Variants in PTP4A2 observed in about 807,000 individuals in gnomAD.
PTP4A2 encodes the protein protein tyrosine phosphatase 4A2, also known as protein tyrosine phosphatase type IVA 2.
In PTP4A2, 2 loss-of-function variants were observed where a neutral mutation model predicts 22.9. The observed-to-expected ratio is 0.09, with a 90% confidence interval of 0.04 to 0.27. The LOEUF is 0.27. Among genes scored for constraint, PTP4A2 ranks in the 10% least tolerant of loss-of-function variants. PTP4A2 has a pLI of 1.00. For missense variants in PTP4A2, 103 were observed against 205.1 expected, an observed-to-expected ratio of 0.50 and a Z score of 3.04; for synonymous variants, 68 against 69.1, an observed-to-expected ratio of 0.98 and a Z score of 0.08.
At chr1:31,913,158 T>C (rs543876666) in intron 3 of PTP4A2, 124 of 319,912 alleles carry the variant, frequency 3.9e-4, no homozygotes, top group Non-Finnish European at 6.7e-4. Flanking sequence ...TCTATTCCAA[T>C]GTGTGTCTGG....
rs1651242577 is a variant in PTP4A2, at chr1:31,907,516, G to A, written c.*1336C>T. On this transcript the variant is annotated 3_prime_UTR_variant, in exon 6 of 6. Transcript: ENST00000647444. ...GATGTCTCTCTTCTACCCTGTTATGGCCTGTGGACACATACTCACTAGGCA... is the reference window on the plus strand; with the variant it reads ...GATGTCTCTCTTCTACCCTGTTATGACCTGTGGACACATACTCACTAGGCA... 1.3e-5 allele frequency: 2 copies of A among 151,994 alleles called. No homozygotes were observed. The highest frequency in any genetic ancestry group is 2.9e-5 in the Non-Finnish European group (2 of 68,018). The allele number at this position is 151,994 out of a possible 1,614,324, so 9.4% of individuals were successfully genotyped here.
chr1:31,906,557 A>C lies in PTP4A2; in HGVS notation c.*2295T>G, dbSNP rs1239216222. The C allele has an allele frequency of 2.4e-4, 36 of 152,188 alleles. 1 individual carries two copies. The highest frequency in any genetic ancestry group is 9.2e-4 in the Admixed American group (14 of 15,278). 9.4% of individuals were successfully genotyped at this position (152,188 alleles called of 1,614,324 possible). On this transcript the variant is annotated 3_prime_UTR_variant, in exon 6 of 6. Transcript: ENST00000647444. ...AGCTAGCAATACTTCATTAAATCGA[A>C]AAGAAAAAAATTGCTTTAAGGAAAA...
Position 31,919,470 on chromosome 1 carries a change from TAA to T in PTP4A2, c.-407_-406del, listed in dbSNP as rs3215721. On this transcript the variant is annotated 5_prime_UTR_variant, in exon 2 of 6. Coordinates refer to ENST00000647444, the MANE Select transcript of PTP4A2 (RefSeq NM_080391.4). ...TCATTAAAAGAAATATGCTTGCAAT[TAA>T]AAAAAAAAAAAGCCAACTATTTCTG... is the stretch of plus-strand genomic sequence containing the variant. 9.2e-5 allele frequency: 13 copies of T among 141,560 alleles called. No individual in the cohort carries two copies. Among genetic ancestry groups the T allele is most frequent in the Non-Finnish European group, 7.8e-5 (5 of 64,394 alleles). 8.8% of individuals were successfully genotyped at this position (141,560 alleles called of 1,614,324 possible). A position where few individuals can be genotyped will look rare whatever the true frequency, so the allele number is the denominator to read the frequency against.
At chr1:31,931,645 TAAGAA>T (rs1652732970) in intron 1 of PTP4A2, among the ~76,000 whole-genome samples, 1 of 152,182 alleles carries the variant, frequency 6.6e-6, no homozygotes, top group Non-Finnish European at 1.5e-5. Context: ...AGATCCAATC[TAAGAA>T]AACAATTGAG....
chr1:31,926,480 ATAATG>A (rs1165180762), intron 1 of PTP4A2, among the ~76,000 whole-genome samples: 1 of 152,212 alleles, frequency 6.6e-6, no homozygotes, highest in African/African-American at 2.4e-5. Flanking sequence ...TGAAAGCCTA[ATAATG>A]TAATATACAA....
At chr1:31,923,096 A>G (rs1388285184) in intron 1 of PTP4A2, among the ~76,000 whole-genome samples, 1 of 151,068 alleles carries the variant, frequency 6.6e-6, no homozygotes, top group African/African-American at 2.4e-5. Context: ...TATTTTTAGT[A>G]GAGACAGGGT....
At chr1:31,930,078 C>A (rs969962806) in intron 1 of PTP4A2, among the ~76,000 whole-genome samples, 1 of 152,222 alleles carries the variant, frequency 6.6e-6, no homozygotes, top group Non-Finnish European at 1.5e-5. Context: ...GTGGCTCACG[C>A]CTGTAATCCC....
In PTP4A2 at chr1:31,908,134, ATTATATT is replaced by A. The variant is rs1557858795; in HGVS notation, c.*711_*717del. ...GGAAAATATATATATATATATATAT[ATTATATT>A]ATATATATATATATATATATATATA... On this transcript the variant is annotated 3_prime_UTR_variant, in exon 6 of 6. Coordinates refer to ENST00000647444, the MANE Select transcript of PTP4A2 (RefSeq NM_080391.4). 14 of 4,690 alleles carry A rather than the reference ATTATATT, an allele frequency of 3.0e-3. No individual in the cohort carries two copies. The highest frequency in any genetic ancestry group is 0.013 in the South Asian group (2 of 152). 0.3% of individuals were successfully genotyped at this position (4,690 alleles called of 1,614,324 possible).
intron 5 of PTP4A2, 43 bp downstream of exon 5, chr1:31,909,995 A>C: frequency 6.6e-7 from 1 of 1,509,978 alleles, no homozygotes; most frequent in Non-Finnish European, 9.2e-7. Context: ...CTCATGCATG[A>C]TCTTGCTTTC....
intron 3 of PTP4A2, among the ~76,000 whole-genome samples, chr1:31,913,323 G>GT (rs1557861594): frequency 6.6e-6 from 1 of 152,302 alleles, no homozygotes; most frequent in South Asian, 2.1e-4. Context: ...AAATGCCCTT[G>GT]TTTTTTCAAG....
At chr1:31,917,324 A>C (rs773675252) in intron 2 of PTP4A2, among the ~76,000 whole-genome samples, 1 of 152,256 alleles carries the variant, frequency 6.6e-6, no homozygotes, top group East Asian at 1.9e-4. Flanking sequence ...AGAAGGGTCC[A>C]TCATTTAGTT....
intron 2 of PTP4A2, among the ~76,000 whole-genome samples, chr1:31,918,689 C>T (rs573593418): frequency 1.3e-5 from 2 of 152,254 alleles, no homozygotes; most frequent in South Asian, 2.1e-4. Flanking sequence ...AAGTGCATAT[C>T]GTGGTCAATA....
chr1:31,936,198 G>A (rs1389725680), intron 1 of PTP4A2, among the ~76,000 whole-genome samples: 3 of 152,006 alleles, frequency 2.0e-5, no homozygotes, highest in African/African-American at 7.3e-5. Context: ...CAGCACTTTG[G>A]GAGGCCAAGG....
intron 1 of PTP4A2, chr1:31,933,588 A>T (rs995181698): frequency 2.0e-5 from 3 of 152,244 alleles, no homozygotes; most frequent in African/African-American, 7.2e-5. Context: ...TACAAAAATT[A>T]GCTGGGCGTG....
intron 3 of PTP4A2, 59 bp downstream of exon 3, chr1:31,915,835 TA>T: frequency 1.7e-6 from 2 of 1,177,848 alleles, no homozygotes; most frequent in Non-Finnish European, 2.5e-6. Flanking sequence ...CCTAGTTTTA[TA>T]AATATTTATG....
chr1:31,919,037 G>A lies in PTP4A2; in HGVS notation c.29C>T (p.Ser10Phe). The A allele has an allele frequency of 6.2e-7, 1 of 1,607,044 alleles. No individual in the cohort carries two copies. Residue 10 changes from serine to phenylalanine, a missense_variant, in exon 2 of 6, where the codon TCC (serine) becomes TTC (phenylalanine). This residue lies in a region of PTP4A2 where 66 missense variants were observed against 113.0 expected (regional missense o/e 0.58). Transcript: ENST00000647444. ...TATCAGAAAACGCATGTTCTCATAG[G>A]AGATCTCCACAGGGGCTGGACGGTT... The part of the protein sequence containing the change: MNRPAPVEI[S>F]YENMRFLITH...
At chr1:31,920,830 G>A (rs1170170561) in intron 1 of PTP4A2, among the ~76,000 whole-genome samples, 1 of 151,970 alleles carries the variant, frequency 6.6e-6, no homozygotes, top group Non-Finnish European at 1.5e-5. Flanking sequence ...GAACTACTGC[G>A]CCTGGCCCAT....
At chr1:31,933,083 C>T (rs542417328) in intron 1 of PTP4A2, 26 of 152,188 alleles carry the variant, frequency 1.7e-4, no homozygotes, top group African/African-American at 5.8e-4. Context: ...CTCACTTCAG[C>T]CTTGACCTCC....
At chr1:31,917,327 A>G (rs941218377) in intron 2 of PTP4A2, among the ~76,000 whole-genome samples, 2 of 152,250 alleles carry the variant, frequency 1.3e-5, no homozygotes, top group Admixed American at 6.5e-5. Context: ...AGGGTCCATC[A>G]TTTAGTTATC....
Sources: allele counts gnomAD v4.1 joint callset (sites outside exome capture counted in the v4.1 genomes callset), GRCh38; gene constraint gnomAD v4.1.1; regional missense constraint gnomAD v4.1.1; transcripts MANE v1.5; gene names NCBI Gene and HGNC (gene_info 2026-07-23, HGNC 2026-07-21).